Variants in GSK3B observed in about 807,000 individuals in gnomAD.
GSK3B encodes glycogen synthase kinase-3 beta.
In GSK3B, 15 loss-of-function variants were observed where a neutral mutation model predicts 56.4. The observed-to-expected ratio is 0.27, with a 90% CI of 0.18 to 0.41. The LOEUF is 0.41. Ranked by LOEUF, GSK3B falls within the 10% of genes least tolerant of loss-of-function variation. GSK3B has a pLI of 1.00. For missense variants in GSK3B, 300 were observed against 513.4 expected (o/e 0.58, Z 4.02); for synonymous variants, 181 against 188.9 (o/e 0.96, Z 0.34).
At chr3:119,982,870 C>T (rs561454819) in intron 2 of GSK3B, among the ~76,000 whole-genome samples, 1 of 152,254 alleles carries the variant, frequency 6.6e-6, no homozygotes, top group East Asian at 1.9e-4. Context: ...CACAAAGATA[C>T]TCCAAGAGAA....
chr3:119,875,260 A>T (rs1387729157), intron 8 of GSK3B, among the ~76,000 whole-genome samples: 1 of 152,018 alleles, frequency 6.6e-6, no homozygotes, highest in Non-Finnish European at 1.5e-5. Context: ...CTTGAAGAAA[A>T]AGTAACTGGA....
At chr3:119,897,742 A>C (rs2056582640) in intron 7 of GSK3B, among the ~76,000 whole-genome samples, 2 of 150,598 alleles carry the variant, frequency 1.3e-5, no homozygotes, top group African/African-American at 4.9e-5. Flanking sequence ...TCAGTCAGTC[A>C]AGACAGCGCC....
chr3:120,084,462 TA>T (rs2058446896), intron 1 of GSK3B: 1 of 152,232 alleles, frequency 6.6e-6, no homozygotes, highest in Non-Finnish European at 1.5e-5. Flanking sequence ...CTTTCCATCA[TA>T]AGCCCTTCTG....
intron 9 of GSK3B, among the ~76,000 whole-genome samples, chr3:119,846,820 T>C (rs2055862979): frequency 6.6e-6 from 1 of 152,200 alleles, no homozygotes; most frequent in South Asian, 2.1e-4. Flanking sequence ...CATTCTACTA[T>C]AAAGACACAT....
chr3:119,847,563 GCTAA>G (rs1192379096), intron 9 of GSK3B, among the ~76,000 whole-genome samples: 11 of 152,116 alleles, frequency 7.2e-5, no homozygotes, highest in African/African-American at 1.4e-4. Flanking sequence ...TCTCAAACTA[GCTAA>G]CTGAGTTAGT....
chr3:120,090,664 C>A (rs934795411), intron 1 of GSK3B, among the ~76,000 whole-genome samples: 1 of 152,042 alleles, frequency 6.6e-6, no homozygotes, highest in East Asian at 1.9e-4. Context: ...TACTTTATTC[C>A]CTCATGATTC....
intron 3 of GSK3B, among the ~76,000 whole-genome samples, chr3:119,930,471 T>C (rs1022862579): frequency 3.3e-5 from 5 of 152,174 alleles, no homozygotes; most frequent in African/African-American, 7.2e-5. Context: ...TGTCAATTTA[T>C]AACCTCTGAT....
chr3:120,074,833 C>T (rs1287643976), intron 1 of GSK3B, among the ~76,000 whole-genome samples: 1 of 152,136 alleles, frequency 6.6e-6, no homozygotes, highest in Non-Finnish European at 1.5e-5. Flanking sequence ...TTCTACCAAA[C>T]TTTTTAAGAA....
At chr3:120,029,380 G>A in intron 1 of GSK3B, 1 of 767,458 alleles carries the variant, frequency 1.3e-6, no homozygotes, top group Non-Finnish European at 2.4e-6. Flanking sequence ...TCAACATTCA[G>A]TCATTTCTCC....
intron 6 of GSK3B, among the ~76,000 whole-genome samples, chr3:119,906,242 G>A (rs1466725140): frequency 6.6e-6 from 1 of 152,052 alleles, no homozygotes; most frequent in Non-Finnish European, 1.5e-5. Flanking sequence ...GGAGCAGCAA[G>A]GAAAGGTTCA....
Position 119,822,688 on chromosome 3 carries a change from GA to G in GSK3B, c.*4099del, listed in dbSNP as rs1441722129. On this transcript the variant is annotated 3_prime_UTR_variant, in exon 11 of 11. Coordinates refer to ENST00000264235, the MANE Select transcript of GSK3B (RefSeq NM_001146156.2). ...TTTTCAGTGGCTCAGGTTTCTACCA[GA>G]AAAGACAGATTTTATTGTAAAGCAT... The G allele has an allele frequency of 8.7e-6, 2 of 228,790 alleles. No homozygotes were observed. Among genetic ancestry groups the G allele is most frequent in the South Asian group, 3.6e-4 (2 of 5,490 alleles). The allele number at this position is 228,790 out of a possible 1,614,324, so 14.2% of individuals were successfully genotyped here.
intron 7 of GSK3B, among the ~76,000 whole-genome samples, chr3:119,878,743 C>T (rs2056343939): frequency 6.6e-6 from 1 of 151,960 alleles, no homozygotes; most frequent in Admixed American, 6.6e-5. Context: ...GGTACATAGC[C>T]ATACAGTAAA....
intron 1 of GSK3B, among the ~76,000 whole-genome samples, chr3:120,023,886 T>C (rs2107512859): frequency 6.6e-6 from 1 of 152,346 alleles, no homozygotes; most frequent in East Asian, 1.9e-4. Flanking sequence ...GTAGGCAATA[T>C]GCCCCATTAT....
At chr3:120,010,384 C>G (rs1479789371) in intron 1 of GSK3B, among the ~76,000 whole-genome samples, 1 of 152,128 alleles carries the variant, frequency 6.6e-6, no homozygotes, top group Non-Finnish European at 1.5e-5. Context: ...AACAGAATCA[C>G]AGTCTTCTGA....
chr3:119,825,074 T>C lies in GSK3B; in HGVS notation c.*1714A>G, dbSNP rs55910624. 0.091 allele frequency: 17,757 copies of C among 196,158 alleles called. 987 individuals carry two copies. The highest frequency in any genetic ancestry group is 0.12 in the Non-Finnish European group (11,361 of 94,402). 12.2% of individuals were successfully genotyped at this position (196,158 alleles called of 1,614,324 possible). Reference sequence around the variant, plus strand: ...CAGCCCTACAGTTACCAGCTAACCTTGGAAGGCATGTGGGGAAGGAGCGGG... The same window carrying C: ...CAGCCCTACAGTTACCAGCTAACCTCGGAAGGCATGTGGGGAAGGAGCGGG... On this transcript the variant is annotated 3_prime_UTR_variant, in exon 11 of 11. Coordinates refer to ENST00000264235, the MANE Select transcript of GSK3B (RefSeq NM_001146156.2).
At position 119,929,732 on chromosome 3, in the gene GSK3B, G is replaced by A. The variant is rs142558112; in HGVS notation, c.367-6249C>T. ...AGCCTGACCAACATGGAGAAATCCC[G>A]TCTCTACTAAAAATACAAAATTAGC... On this transcript the variant is annotated intron_variant, in intron 3 of 10. Coordinates refer to ENST00000264235, the MANE Select transcript of GSK3B (RefSeq NM_001146156.2). Among the ~76,000 whole-genome samples, 746 of 151,640 alleles carry A rather than the reference G, an allele frequency of 4.9e-3. 3 individuals carry two copies. The highest frequency in any genetic ancestry group is 0.017 in the African/African-American group (684 of 41,360).
intron 6 of GSK3B, among the ~76,000 whole-genome samples, chr3:119,911,277 T>C (rs1241088407): frequency 2.6e-5 from 4 of 152,160 alleles, no homozygotes; most frequent in Admixed American, 6.5e-5. Flanking sequence ...TCTGGAGTAG[T>C]AGGTCTCAGC....
chr3:119,979,744 T>C (rs2057442598), intron 2 of GSK3B, among the ~76,000 whole-genome samples: 1 of 152,198 alleles, frequency 6.6e-6, no homozygotes, highest in Non-Finnish European at 1.5e-5. Context: ...TAAAAAACCC[T>C]AAAATGACTT....
intron 1 of GSK3B, among the ~76,000 whole-genome samples, chr3:120,079,297 C>G (rs917836390): frequency 5.6e-5 from 7 of 124,542 alleles, no homozygotes; most frequent in Non-Finnish European, 1.1e-4. Flanking sequence ...ACAACCTTGA[C>G]AGGAAATTAC....
Sources: gnomAD v4.1 joint callset for allele counts (sites outside exome capture counted in the v4.1 genomes callset) on GRCh38, gnomAD v4.1.1 for gene constraint, MANE v1.5 for transcripts, NCBI Gene and HGNC (gene_info 2026-07-23, HGNC 2026-07-21) for gene names.